MAGI1: variants seen among roughly 807,000 people sequenced by gnomAD.
MAGI1 encodes the protein membrane associated guanylate kinase, WW and PDZ domain containing 1, also known as membrane-associated guanylate kinase, WW and PDZ domain-containing protein 1.
In MAGI1, 58 loss-of-function variants were observed where a neutral mutation model predicts 139.9. The observed-to-expected ratio is 0.41, with a 90% CI of 0.34 to 0.52. MAGI1 has a LOEUF of 0.52. Ranked by LOEUF, MAGI1 falls within the 20% of genes least tolerant of loss-of-function variation. The probability of loss-of-function intolerance (pLI) is 0.12; values close to 1 mark genes in which losing one functional copy is unlikely to be tolerated. For missense variants in MAGI1, 1,874 were observed against 1,901.6 expected, an observed-to-expected ratio of 0.99 and a Z score of 0.27; for synonymous variants, 812 against 737.9, an observed-to-expected ratio of 1.10 and a Z score of -1.63.
chr3:65,700,762 TCTAA>T (rs2089544033), intron 1 of MAGI1, among the ~76,000 whole-genome samples: 1 of 152,168 alleles, frequency 6.6e-6, no homozygotes, highest in Non-Finnish European at 1.5e-5. Flanking sequence ...AATGTGAATC[TCTAA>T]CAGCCTCACA....
intron 2 of MAGI1, chr3:65,549,261 A>G (rs1283380052): frequency 3.3e-6 from 1 of 307,208 alleles, no homozygotes; most frequent in South Asian, 1.3e-4. Flanking sequence ...CGGCGCGGCC[A>G]CTTCCTCGCC....
At chr3:65,618,894 A>G (rs1285978491) in intron 2 of MAGI1, among the ~76,000 whole-genome samples, 1 of 152,144 alleles carries the variant, frequency 6.6e-6, no homozygotes, top group Admixed American at 6.5e-5. Context: ...AGACTTCACA[A>G]CAGGCCCCTG....
At chr3:65,958,707 C>G (rs2064255344) in intron 1 of MAGI1, among the ~76,000 whole-genome samples, 1 of 152,146 alleles carries the variant, frequency 6.6e-6, no homozygotes, top group South Asian at 2.1e-4. Context: ...ACACATTTAG[C>G]CAGGCGGGGG....
At chr3:66,033,865 A>T (rs193250949) in intron 1 of MAGI1, among the ~76,000 whole-genome samples, 39 of 152,320 alleles carry the variant, frequency 2.6e-4, no homozygotes, top group African/African-American at 9.1e-4. Context: ...ATACCATTTT[A>T]AACCTTTGGA....
intron 1 of MAGI1, among the ~76,000 whole-genome samples, chr3:65,712,992 C>T (rs911127402): frequency 3.9e-5 from 6 of 152,128 alleles, no homozygotes; most frequent in African/African-American, 1.4e-4. Context: ...AATATTCATT[C>T]AGGAAGCTCA....
At chr3:65,799,851 A>C (rs1318825681) in intron 1 of MAGI1, among the ~76,000 whole-genome samples, 1 of 152,192 alleles carries the variant, frequency 6.6e-6, no homozygotes, top group Non-Finnish European at 1.5e-5. Flanking sequence ...CCCTCACATT[A>C]ATAATTGTAC....
chr3:65,456,062 G>A (rs1343807415), intron 5 of MAGI1, among the ~76,000 whole-genome samples: 3 of 152,190 alleles, frequency 2.0e-5, no homozygotes. Context: ...TTGCCAAATG[G>A]TATGAGCTGC....
chr3:65,937,267 C>A (rs548116071), intron 1 of MAGI1, among the ~76,000 whole-genome samples: 73 of 136,874 alleles, frequency 5.3e-4, no homozygotes, highest in African/African-American at 2.0e-3. Flanking sequence ...CTCTTGCAGC[C>A]TATTTGCAGA....
At chr3:65,745,761 G>A (rs112554674) in intron 1 of MAGI1, among the ~76,000 whole-genome samples, 1,950 of 152,192 alleles carry the variant, frequency 0.013, 9 homozygotes, top group African/African-American at 0.016. Flanking sequence ...GTAGAGTCTC[G>A]CTCTGTGGCC....
At chr3:65,408,754 A>T (rs1208547107) in intron 12 of MAGI1, among the ~76,000 whole-genome samples, 1 of 152,220 alleles carries the variant, frequency 6.6e-6, no homozygotes, top group Non-Finnish European at 1.5e-5. Context: ...CAGTCCAGAA[A>T]ACAGGAAAAG....
chr3:65,841,172 T>C (rs1396381108), intron 1 of MAGI1, among the ~76,000 whole-genome samples: 7 of 152,146 alleles, frequency 4.6e-5, no homozygotes, highest in Non-Finnish European at 8.8e-5. Flanking sequence ...TATCTTTTTT[T>C]CTATTTGTTA....
chr3:65,357,523 C>T (rs889182341), intron 22 of MAGI1, among the ~76,000 whole-genome samples: 2 of 151,320 alleles, frequency 1.3e-5, no homozygotes, highest in Non-Finnish European at 2.9e-5. Flanking sequence ...TGTGCCCACC[C>T]GTCTCCCACA....
Position 65,630,234 on chromosome 3 carries a change from G to A in MAGI1, c.314-8146C>T, listed in dbSNP as rs76007318. Among the ~76,000 whole-genome samples the A allele has an allele frequency of 1.0e-2, 1,516 of 152,278 alleles. 27 individuals carry two copies. Among genetic ancestry groups the A allele is most frequent in the African/African-American group, 0.034 (1,407 of 41,562 alleles). ...GCAACAAGGACAATACAGAGCCCCTGAGCAGCAGGGTATATGCCTGCTTTA... is the reference window on the plus strand; with the variant it reads ...GCAACAAGGACAATACAGAGCCCCTAAGCAGCAGGGTATATGCCTGCTTTA... On this transcript the variant is annotated intron_variant, in intron 1 of 22. Transcript: ENST00000402939.
At chr3:65,535,419 G>A (rs1019813263) in intron 2 of MAGI1, among the ~76,000 whole-genome samples, 2 of 152,266 alleles carry the variant, frequency 1.3e-5, no homozygotes, top group East Asian at 3.9e-4. Context: ...CAATAAGCCA[G>A]AGATAGCAAC....
At chr3:65,724,188 C>T (rs987561787) in intron 1 of MAGI1, among the ~76,000 whole-genome samples, 3 of 152,222 alleles carry the variant, frequency 2.0e-5, no homozygotes, top group Non-Finnish European at 2.9e-5. Flanking sequence ...TAAACTCACA[C>T]TGTCCTGTGA....
chr3:65,723,382 G>T (rs1227916795), intron 1 of MAGI1, among the ~76,000 whole-genome samples: 1 of 152,176 alleles, frequency 6.6e-6, no homozygotes, highest in African/African-American at 2.4e-5. Flanking sequence ...TCTGGAAGGT[G>T]TTAAGAGTTT....
chr3:65,791,476 T>C (rs760042360), intron 1 of MAGI1, among the ~76,000 whole-genome samples: 2 of 152,120 alleles, frequency 1.3e-5, no homozygotes, highest in South Asian at 2.1e-4. Context: ...GGACATTACA[T>C]GGAAGAAGGC....
At chr3:65,507,672 C>CA (rs1300197539) in intron 2 of MAGI1, among the ~76,000 whole-genome samples, 8 of 152,170 alleles carry the variant, frequency 5.3e-5, no homozygotes, top group African/African-American at 1.9e-4. Context: ...GGACTTGGAG[C>CA]AACGGCAAAA....
intron 14 of MAGI1, among the ~76,000 whole-genome samples, chr3:65,386,247 GAAAAA>G: frequency 1.4e-5 from 2 of 145,846 alleles, no homozygotes; most frequent in East Asian, 2.0e-4. Context: ...AGGCCACATG[GAAAAA>G]AAAAAAAAAA....
Sources: gnomAD v4.1 joint callset for allele counts (sites outside exome capture counted in the v4.1 genomes callset) on GRCh38, gnomAD v4.1.1 for gene constraint, MANE v1.5 for transcripts, NCBI Gene and HGNC (gene_info 2026-07-23, HGNC 2026-07-21) for gene names.